Variants in SCAMP1 observed in about 807,000 individuals in gnomAD.
SCAMP1 encodes secretory carrier-associated membrane protein 1.
In SCAMP1, 15 loss-of-function variants were observed where a neutral mutation model predicts 41.8. That is an observed-to-expected ratio of 0.36 (90% CI 0.24 to 0.55). The LOEUF (loss-of-function observed/expected upper bound fraction) is 0.55, where lower values mean the gene tolerates loss of function less well. Ranked by LOEUF, SCAMP1 falls within the 20% of genes least tolerant of loss-of-function variation. The probability of loss-of-function intolerance (pLI) is 0.86; values close to 1 mark genes in which losing one functional copy is unlikely to be tolerated. For synonymous variants in SCAMP1, 135 were observed against 136.8 expected, an observed-to-expected ratio of 0.99 and a Z score of 0.09; for missense variants, 341 against 412.6, an observed-to-expected ratio of 0.83 and a Z score of 1.50.
chr5:78,474,650 G>A (rs1336926688), intron 8 of SCAMP1, among the ~76,000 whole-genome samples: 1 of 152,136 alleles, frequency 6.6e-6, no homozygotes, highest in East Asian at 1.9e-4. Flanking sequence ...TTGCATTCCA[G>A]TCAAGCTTCT....
intron 7 of SCAMP1, among the ~76,000 whole-genome samples, chr5:78,457,520 G>T (rs375988410): frequency 6.6e-6 from 1 of 152,060 alleles, no homozygotes; most frequent in South Asian, 2.1e-4. Context: ...CAGGGACCCA[G>T]TTGAGGAGGC....
chr5:78,363,349 A>G (rs760963205), intron 1 of SCAMP1, among the ~76,000 whole-genome samples: 1 of 151,592 alleles, frequency 6.6e-6, no homozygotes, highest in African/African-American at 2.4e-5. Flanking sequence ...AGTAGCTGGG[A>G]CTACAGGCGC....
chr5:78,469,893 AAAAAAAAAAAAAAAAAAAAC>A (rs1198509413), intron 8 of SCAMP1, among the ~76,000 whole-genome samples: 348 of 33,292 alleles, frequency 0.01, no homozygotes, highest in Non-Finnish European at 0.013. Context: ...AAGACATTAA[AAAAAAAAAAAAAAAAAAAAC>A]AAAAAAAAAA....
intron 7 of SCAMP1, among the ~76,000 whole-genome samples, chr5:78,456,580 G>T (rs1254385216): frequency 6.6e-6 from 1 of 150,632 alleles, no homozygotes; most frequent in African/African-American, 2.5e-5. Context: ...GCTTCCCTTT[G>T]AGGGTAACCC....
At chr5:78,397,022 A>G (rs746125244) in intron 2 of SCAMP1, among the ~76,000 whole-genome samples, 6 of 152,188 alleles carry the variant, frequency 3.9e-5, no homozygotes, top group Non-Finnish European at 7.3e-5. Flanking sequence ...AGTGGAGAGC[A>G]GAGAGTTTTT....
intron 1 of SCAMP1, among the ~76,000 whole-genome samples, chr5:78,387,932 C>G (rs1377397442): frequency 1.3e-5 from 2 of 152,116 alleles, no homozygotes; most frequent in African/African-American, 2.4e-5. Flanking sequence ...GGAGGTGGCA[C>G]TTTTAAGAGC....
chr5:78,455,755 T>C (rs566749893), intron 7 of SCAMP1, among the ~76,000 whole-genome samples: 4 of 128,720 alleles, frequency 3.1e-5, no homozygotes, highest in Non-Finnish European at 6.5e-5. Context: ...CTTTCTGTCT[T>C]GTTGATCTGT....
intron 6 of SCAMP1, among the ~76,000 whole-genome samples, chr5:78,432,302 GTA>G (rs1391981256): frequency 6.6e-6 from 1 of 152,126 alleles, no homozygotes; most frequent in Non-Finnish European, 1.5e-5. Context: ...GTGTGTGGGT[GTA>G]TATGTGGAGA....
intron 6 of SCAMP1, among the ~76,000 whole-genome samples, chr5:78,434,158 C>T (rs776757758): frequency 6.6e-6 from 1 of 152,152 alleles, no homozygotes; most frequent in African/African-American, 2.4e-5. Flanking sequence ...GGAGAAGAGC[C>T]TGTGAGTGAG....
rs761398939 is a variant in SCAMP1, at chr5:78,418,759, TA to T, written c.344-8del. ...TAATATAAATAACCTTTTCTTTTTC[TA>T]AAAAAAATTTACAGGTAGAAAAAAT... On this transcript the variant is annotated splice_polypyrimidine_tract_variant and intron_variant, in intron 4 of 8. Transcript: ENST00000621999. 5.9e-5 allele frequency: 86 copies of T among 1,451,722 alleles called. No homozygotes were observed. The highest frequency in any genetic ancestry group is 1.2e-4 in the East Asian group (5 of 40,050). 89.9% of individuals were successfully genotyped at this position (1,451,722 alleles called of 1,614,324 possible).
chr5:78,465,559 T>A (rs1753725251), intron 8 of SCAMP1, among the ~76,000 whole-genome samples: 1 of 152,218 alleles, frequency 6.6e-6, no homozygotes, highest in Non-Finnish European at 1.5e-5. Flanking sequence ...TTCATAGGGT[T>A]GGTGTGAGGA....
chr5:78,398,629 C>T (rs1264111732), intron 2 of SCAMP1, among the ~76,000 whole-genome samples: 1 of 146,288 alleles, frequency 6.8e-6, no homozygotes, highest in Non-Finnish European at 1.5e-5. Flanking sequence ...CTGCAACCTC[C>T]ACCTCCTGGG....
intron 2 of SCAMP1, among the ~76,000 whole-genome samples, chr5:78,412,456 C>G (rs983938406): frequency 5.3e-5 from 8 of 151,826 alleles, no homozygotes; most frequent in Non-Finnish European, 1.2e-4. Flanking sequence ...TTTTCCTCCC[C>G]CAATTTAAAT....
At chr5:78,397,597 T>C (rs985206860) in intron 2 of SCAMP1, among the ~76,000 whole-genome samples, 18 of 152,158 alleles carry the variant, frequency 1.2e-4, no homozygotes, top group Non-Finnish European at 2.5e-4. Flanking sequence ...GTATCCAGAA[T>C]ATATATTAAA....
rs567352834 is a variant in SCAMP1, at chr5:78,400,285, G to C, written c.135+11371G>C. ...GGATTACTGTTACTTTATAGTAAGT[G>C]AACTCTAGTAGTGTCAATCTTCCAA... On this transcript the variant is annotated intron_variant, in intron 2 of 8. Transcript: ENST00000621999. 2.6e-5 allele frequency among the ~76,000 whole-genome samples: 4 copies of C among 152,140 alleles called. No homozygotes were observed. In the South Asian group the frequency reaches 8.3e-4, roughly 32 times the overall value.
chr5:78,382,816 TGTGC>T (rs1409236409), intron 1 of SCAMP1, among the ~76,000 whole-genome samples: 1,256 of 56,910 alleles, frequency 0.022, 14 homozygotes, highest in Non-Finnish European at 0.033. Context: ...TGTGTGTGTG[TGTGC>T]GCCACATTTT....
chr5:78,373,511 T>C (rs772391674), intron 1 of SCAMP1, among the ~76,000 whole-genome samples: 2 of 152,174 alleles, frequency 1.3e-5, no homozygotes, highest in Admixed American at 6.5e-5. Context: ...CTCTATTTTT[T>C]AAATCTTTCT....
rs61249151 is a variant in SCAMP1 at position 78,403,950 on chromosome 5, C to CAAAAAAAAA, written c.136-11548_136-11540dup. Among the ~76,000 whole-genome samples, 17 of 49,344 alleles carry CAAAAAAAAA rather than the reference C, an allele frequency of 3.4e-4. 2 individuals are homozygous for CAAAAAAAAA. Among genetic ancestry groups the CAAAAAAAAA allele is most frequent in the Admixed American group, 1.1e-3 (3 of 2,780 alleles). The allele number at this position is 49,344 out of a possible 152,430, so 32.4% of individuals were successfully genotyped here. A position where few individuals can be genotyped will look rare whatever the true frequency, so the allele number is the denominator to read the frequency against. On this transcript the variant is annotated intron_variant, in intron 2 of 8. Transcript: ENST00000621999. The stretch of plus-strand genomic sequence containing the variant: ...TAGGGGACAGAGTGAGACTCTGTCT[C>CAAAAAAAAA]AAAAAAAAAAAAAAAAAAAAAAAAA...
chr5:78,466,497 C>T lies in SCAMP1; in HGVS notation c.852+7135C>T, dbSNP rs887831858. ...GAGGTACCAGAGAGTGGGGATACCA[C>T]GTTCACATCTAGTTGTAGGAAATAA... On this transcript the variant is annotated intron_variant, in intron 8 of 8. Transcript: ENST00000621999. Among the ~76,000 whole-genome samples the T allele has an allele frequency of 2.0e-5, 3 of 152,022 alleles. No individual in the cohort carries two copies. The East Asian group carries it at 5.8e-4, about 29-fold the overall frequency.
Sources: allele counts gnomAD v4.1 joint callset (sites outside exome capture counted in the v4.1 genomes callset), GRCh38; gene constraint gnomAD v4.1.1; transcripts MANE v1.5; gene names NCBI Gene and HGNC (gene_info 2026-07-23, HGNC 2026-07-21).